AXIN1: variants seen among roughly 807,000 people sequenced by gnomAD.
AXIN1 encodes the protein axin-1.
In AXIN1, 30 loss-of-function variants were observed where a neutral mutation model predicts 76.4. The observed-to-expected ratio is 0.39, with a 90% CI of 0.29 to 0.53. The LOEUF (loss-of-function observed/expected upper bound fraction) is 0.53, where lower values mean the gene tolerates loss of function less well. Ranked by LOEUF, AXIN1 falls within the 20% of genes least tolerant of loss-of-function variation. The probability of loss-of-function intolerance (pLI) is 0.66; values close to 1 mark genes in which losing one functional copy is unlikely to be tolerated. For missense variants in AXIN1, 1,140 were observed against 1,198.8 expected (o/e 0.95, Z 0.72); for synonymous variants, 545 against 501.4 (o/e 1.09, Z -1.16).
In AXIN1 at chr16:314,686, G is replaced by A. The variant is rs2141594508; in HGVS notation, c.879-3C>T. ...CTGGCTCCCGCCAGGATCCATACCT[G>A]CAAACAGGCAAGCAGGGCATGTTAG... On this transcript the variant is annotated splice_region_variant and splice_polypyrimidine_tract_variant and intron_variant, in intron 2 of 10. Transcript: ENST00000262320. The A allele has an allele frequency of 6.2e-7, 1 of 1,613,402 alleles. No individual in the cohort carries two copies. Among genetic ancestry groups the A allele is most frequent in the Non-Finnish European group, 8.5e-7 (1 of 1,180,036 alleles).
At chr16:349,104 AAAAAT>A (rs56249181) in intron 1 of AXIN1, among the ~76,000 whole-genome samples, 135 of 149,846 alleles carry the variant, frequency 9.0e-4, no homozygotes, top group South Asian at 6.9e-3. Context: ...TCTGTCTCAA[AAAAAT>A]AAAATAAAAT....
At position 352,390 on chromosome 16, in the gene AXIN1, C is replaced by CCCCGGG; in HGVS notation, c.-109_-104dup. On this transcript the variant is annotated 5_prime_UTR_variant, in exon 1 of 11. Coordinates refer to ENST00000262320, the MANE Select transcript of AXIN1 (RefSeq NM_003502.4). The stretch of plus-strand genomic sequence containing the variant: ...TCACCCGCGCGCGGTGGTGGCGGGA[C>CCCCGGG]CCCGGGCCCGGCTCCCGGAGCGGCG... 2.1e-6 allele frequency: 2 copies of CCCCGGG among 969,242 alleles called. No individual in the cohort carries two copies. Among genetic ancestry groups the CCCCGGG allele is most frequent in the Non-Finnish European group, 2.4e-6 (2 of 823,586 alleles). 60.0% of individuals were successfully genotyped at this position (969,242 alleles called of 1,614,324 possible). A position where few individuals can be genotyped will look rare whatever the true frequency, so the allele number is the denominator to read the frequency against.
Position 288,218 on chromosome 16 carries a change from A to C in AXIN1, c.2493T>G (p.Phe831Leu). The C allele has an allele frequency of 6.2e-7, 1 of 1,613,656 alleles. No homozygotes were observed. Among genetic ancestry groups the C allele is most frequent in the Non-Finnish European group, 8.5e-7 (1 of 1,179,994 alleles). Residue 831 changes from phenylalanine to leucine, a missense_variant, in exon 11 of 11, where the codon TTT becomes TTG. Physicochemically the swap from Phe to Leu is conservative, Grantham distance 22 (BLOSUM62 0). Coordinates refer to ENST00000262320, the MANE Select transcript of AXIN1 (RefSeq NM_003502.4). ...RYYFKKVSDE[F>L]DCGVVFEEVR... ...CCTCCTCAAACACCACCCCACAGTC[A>C]AACTCGTCGCTCACTTTCTTGAAGT...
At chr16:315,862 G>T in intron 2 of AXIN1, among the ~76,000 whole-genome samples, 1 of 142,288 alleles carries the variant, frequency 7.0e-6, no homozygotes. Flanking sequence ...AGAACAGCCT[G>T]ACCAACATGG....
At chr16:343,568 T>C (rs1026808597) in intron 2 of AXIN1, among the ~76,000 whole-genome samples, 3 of 150,772 alleles carry the variant, frequency 2.0e-5, no homozygotes, top group Non-Finnish European at 4.5e-5. Context: ...CTGGGCATGG[T>C]AGCTCACACT....
intron 2 of AXIN1, among the ~76,000 whole-genome samples, chr16:326,372 A>AAAAAAAAAAAATATATATATAT (rs1380874299): frequency 3.5e-5 from 3 of 86,466 alleles, no homozygotes; most frequent in African/African-American, 1.8e-4. Flanking sequence ...AAAAAAAAAA[A>AAAAAAAAAAAATATATATATAT]ATATATATAT....
Position 289,497 on chromosome 16 carries a change from C to A in AXIN1, c.2405G>T (p.Gly802Val), listed in dbSNP as rs746984810. ...EPIPYRTLVR[G>V]RAVTLGQFKE... ...GAACTGGCCCAGGGTGACAGCGCGG[C>A]CCCTCACCAGGGTGCGGTAGGGGAT... is the stretch of plus-strand genomic sequence containing the variant. Residue 802 changes from glycine (G) to valine (V), a missense_variant, in exon 10 of 11, where the codon GGC (glycine) becomes GTC (valine). Physicochemically the swap from Gly to Val is moderately radical, Grantham distance 109. Coordinates refer to ENST00000262320, the MANE Select transcript of AXIN1 (RefSeq NM_003502.4). The A allele has an allele frequency of 1.2e-6, 2 of 1,612,966 alleles. No homozygotes were observed. The highest frequency in any genetic ancestry group is 8.5e-7 in the Non-Finnish European group (1 of 1,180,018).
Position 293,809 on chromosome 16 carries a change from C to G in AXIN1, c.1956-91G>C. The G allele has an allele frequency of 1.5e-6, 2 of 1,298,112 alleles. No homozygotes were observed. The highest frequency in any genetic ancestry group is 2.2e-6 in the Non-Finnish European group (2 of 904,496). 80.4% of individuals were successfully genotyped at this position (1,298,112 alleles called of 1,614,324 possible). A position where few individuals can be genotyped will look rare whatever the true frequency, so the allele number is the denominator to read the frequency against. On this transcript the variant is annotated intron_variant, in intron 7 of 10. Coordinates refer to ENST00000262320, the MANE Select transcript of AXIN1 (RefSeq NM_003502.4). The surrounding 1 kb of genome is among the most constrained non-coding windows in gnomAD (Gnocchi z 4.6). ...ACACTCATCTCACAAGGGCAGCCTC[C>G]TTGAGGGATAGGATGGGATGGGGCA... is the stretch of plus-strand genomic sequence containing the variant.
At chr16:297,319 G>A (rs1426657005) in intron 6 of AXIN1, 93 bp from the exon 7 acceptor site, 1 of 1,545,218 alleles carries the variant, frequency 6.5e-7, no homozygotes. Flanking sequence ...GCATCTGTAA[G>A]GCTCCCGTGG....
At chr16:317,915 T>C (rs896370435) in intron 2 of AXIN1, among the ~76,000 whole-genome samples, 12 of 152,230 alleles carry the variant, frequency 7.9e-5, no homozygotes, top group Admixed American at 7.2e-4. Flanking sequence ...TAAACATCTA[T>C]TTGGCCAAAT....
rs1050641107 is a variant in AXIN1 at position 347,531 on chromosome 16, A to G, written c.-81-425T>C. Among the ~76,000 whole-genome samples the G allele has an allele frequency of 3.3e-5, 5 of 152,326 alleles. No individual in the cohort carries two copies. In the East Asian group the frequency reaches 9.6e-4, roughly 29 times the overall value. On this transcript the variant is annotated intron_variant, in intron 1 of 10. Transcript: ENST00000262320. ...TGAGGGCTGGACCCTCACAAGTAAG[A>G]TGGAGACAATCGCTCCACCAGCCCC...
chr16:288,272 C>T (rs2141460777), intron 10 of AXIN1, 24 bp from the exon 11 acceptor site: 1 of 1,613,294 alleles, frequency 6.2e-7, no homozygotes, highest in Non-Finnish European at 8.5e-7. Context: ...GTGAGGAGGG[C>T]AGTGAGCAGG....
chr16:291,272 C>T lies in AXIN1; in HGVS notation c.2212G>A (p.Gly738Arg), dbSNP rs143552068. The change falls in exon 9 of 11, where the codon GGA (glycine) becomes AGA (arginine). Residue 738 changes from glycine (G) to arginine (R), a missense_variant. Physicochemically the swap from Gly to Arg is moderately radical, Grantham distance 125. Around this residue, in one of 3 missense-constraint regions of AXIN1, gnomAD observed 429 missense variants for 405.8 expected, o/e 1.06. Coordinates refer to ENST00000262320, the MANE Select transcript of AXIN1 (RefSeq NM_003502.4). ...CACGCTGGCCTGACGCAGGCGCGTC[C>T]CCGCCGCATAACCTCCTGCACATAC... ...QRYVQEVMRR[G>R]RACVRPACAP... 2.6e-5 allele frequency: 41 copies of T among 1,582,180 alleles called. No individual in the cohort carries two copies. The highest frequency in any genetic ancestry group is 3.7e-5 in the Admixed American group (2 of 54,288).
intron 1 of AXIN1, among the ~76,000 whole-genome samples, chr16:348,250 G>T (rs2054071663): frequency 6.6e-6 from 1 of 152,232 alleles, no homozygotes; most frequent in Non-Finnish European, 1.5e-5. Flanking sequence ...AGCCTGCCAT[G>T]ATGTAAGTGG....
At chr16:298,986 C>T (rs1468428144) in intron 5 of AXIN1, 2 of 743,742 alleles carry the variant, frequency 2.7e-6, no homozygotes, top group African/African-American at 1.9e-5. Flanking sequence ...CCAGGCTGGT[C>T]TCGAACTCCT....
At chr16:326,837 G>C (rs192002122) in intron 2 of AXIN1, among the ~76,000 whole-genome samples, 1 of 151,556 alleles carries the variant, frequency 6.6e-6, no homozygotes, top group Non-Finnish European at 1.5e-5. Context: ...TGCCTGAAGC[G>C]TCAGCCAAGA....
intron 2 of AXIN1, among the ~76,000 whole-genome samples, chr16:322,854 CA>C (rs1357919049): frequency 6.6e-6 from 1 of 152,334 alleles, no homozygotes; most frequent in East Asian, 1.9e-4. Flanking sequence ...GGATGGCGGG[CA>C]GTGGCCTGGG....
intron 2 of AXIN1, among the ~76,000 whole-genome samples, chr16:341,214 T>G (rs916970600): frequency 1.3e-5 from 2 of 152,242 alleles, no homozygotes; most frequent in African/African-American, 4.8e-5. Flanking sequence ...AGCCCCTTTC[T>G]GGGCTGGCCA....
At chr16:338,168 T>A (rs927682650) in intron 2 of AXIN1, among the ~76,000 whole-genome samples, 1 of 152,128 alleles carries the variant, frequency 6.6e-6, no homozygotes, top group Non-Finnish European at 1.5e-5. Flanking sequence ...ACAAATGACG[T>A]CTGCGTTTGA....
Sources: gnomAD v4.1 joint callset for allele counts (sites outside exome capture counted in the v4.1 genomes callset) on GRCh38, gnomAD v4.1.1 for gene constraint, gnomAD v4.1.1 regional missense constraint, Gnocchi (gnomAD v3.1) non-coding constraint, MANE v1.5 for transcripts, NCBI Gene and HGNC (gene_info 2026-07-23, HGNC 2026-07-21) for gene names.